Variants in RSF1 observed in about 807,000 individuals in gnomAD.
The protein encoded by RSF1 is remodeling and spacing factor 1.
Under a neutral mutation model 145.2 loss-of-function variants are expected in RSF1, and 13 were observed. The ratio of observed to expected loss-of-function variants is 0.09; its 90% CI spans 0.06 to 0.14. The LOEUF is 0.14. Among genes scored for constraint, RSF1 ranks in the 10% least tolerant of loss-of-function variants. The pLI, the probability that RSF1 is intolerant of heterozygous loss-of-function variation, is 1.00. For synonymous variants in RSF1, 577 were observed against 592.6 expected (o/e 0.97, Z 0.38); for missense variants, 1,517 against 1,718.2 (o/e 0.88, Z 2.07).
intron 7 of RSF1, 132 bp downstream of exon 7, chr11:77,698,355 A>G: frequency 1.4e-6 from 1 of 721,392 alleles, no homozygotes; most frequent in South Asian, 1.8e-5. Context: ...AACAGAAATA[A>G]AGGTTACTCT....
intron 3 of RSF1, among the ~76,000 whole-genome samples, chr11:77,744,182 C>T (rs1478369335): frequency 6.6e-6 from 1 of 152,174 alleles, no homozygotes; most frequent in African/African-American, 2.4e-5. Flanking sequence ...ATATGTGCCA[C>T]TATGCCCAGC....
chr11:77,707,297 A>G (rs916146710), intron 5 of RSF1, among the ~76,000 whole-genome samples: 1 of 152,150 alleles, frequency 6.6e-6, no homozygotes, highest in African/African-American at 2.4e-5. Flanking sequence ...TAACATCAAT[A>G]CTTTTCATGA....
chr11:77,837,827 G>A, the RSF1 span, among the ~76,000 whole-genome samples: 1 of 152,290 alleles, frequency 6.6e-6, no homozygotes, highest in East Asian at 1.9e-4. Flanking sequence ...AGGCTGAGAA[G>A]ACAGATTGCT....
At chr11:77,815,841 C>A (rs1469592109) in intron 1 of RSF1, among the ~76,000 whole-genome samples, 1 of 152,150 alleles carries the variant, frequency 6.6e-6, no homozygotes, top group Non-Finnish European at 1.5e-5. Context: ...CTAATAAATG[C>A]TTGCTTACCT....
intron 5 of RSF1, among the ~76,000 whole-genome samples, chr11:77,724,553 A>C (rs571762983): frequency 2.0e-5 from 3 of 152,194 alleles, no homozygotes; most frequent in Admixed American, 1.3e-4. Flanking sequence ...TTATTATTAA[A>C]AGGAAGAAAA....
At chr11:77,839,134 TTTAA>T in the RSF1 span, among the ~76,000 whole-genome samples, 4 of 152,208 alleles carry the variant, frequency 2.6e-5, no homozygotes, top group Non-Finnish European at 5.9e-5. Context: ...CAGTTTCTTT[TTTAA>T]TTAATTAATT....
chr11:77,828,587 C>T, the RSF1 span, among the ~76,000 whole-genome samples: 1 of 150,240 alleles, frequency 6.7e-6, no homozygotes, highest in East Asian at 2.0e-4. Context: ...GGAAGAATGG[C>T]GTGAACCCGG....
intron 5 of RSF1, among the ~76,000 whole-genome samples, chr11:77,707,504 A>G (rs2135862112): frequency 6.6e-6 from 1 of 152,348 alleles, no homozygotes. Flanking sequence ...AATATAAGCT[A>G]AAACTAAAGA....
chr11:77,697,694 ATTT>A, intron 7 of RSF1, among the ~76,000 whole-genome samples: 1 of 150,648 alleles, frequency 6.6e-6, no homozygotes, highest in East Asian at 1.9e-4. Flanking sequence ...ATTAAAAAAA[ATTT>A]TTTATGTTAA....
At chr11:77,752,011 G>GT (rs1948068255) in intron 2 of RSF1, among the ~76,000 whole-genome samples, 1 of 152,290 alleles carries the variant, frequency 6.6e-6, no homozygotes, top group East Asian at 1.9e-4. Context: ...CTATATGGCA[G>GT]TAACTAGTCT....
In RSF1 at chr11:77,800,491, CA is replaced by C. The variant is rs377611262; in HGVS notation, c.187+20036del. Among the ~76,000 whole-genome samples the C allele has an allele frequency of 1.9e-3, 285 of 149,614 alleles. 1 individual carries two copies. The highest frequency in any genetic ancestry group is 6.6e-3 in the African/African-American group (269 of 40,816). ...TGGGCAACAAAACAAGAACCTGTCT[CA>C]AAAAAAAAGAAAAGAAAAAAGTATT... On this transcript the variant is annotated intron_variant, in intron 1 of 15. Transcript: ENST00000308488.
At chr11:77,695,515 C>T (rs1960259007) in intron 7 of RSF1, among the ~76,000 whole-genome samples, 1 of 152,118 alleles carries the variant, frequency 6.6e-6, no homozygotes, top group South Asian at 2.1e-4. Context: ...GTTGTTGGAA[C>T]TGTTCCAGCC....
chr11:77,756,882 C>T (rs1232049978), intron 2 of RSF1, among the ~76,000 whole-genome samples: 1 of 152,112 alleles, frequency 6.6e-6, no homozygotes, highest in Non-Finnish European at 1.5e-5. Flanking sequence ...GTCTCTGCTC[C>T]AAGAATTTCA....
At chr11:77,819,508 C>A (rs537933587) in intron 1 of RSF1, among the ~76,000 whole-genome samples, 1 of 152,310 alleles carries the variant, frequency 6.6e-6, no homozygotes, top group Non-Finnish European at 1.5e-5. Flanking sequence ...GCGCCCTGCA[C>A]CCGCGCGGTG....
intron 8 of RSF1, 39 bp from the exon 9 acceptor site, chr11:77,691,277 T>G (rs761507484): frequency 2.5e-6 from 4 of 1,574,680 alleles, no homozygotes; most frequent in Non-Finnish European, 3.5e-6. Flanking sequence ...TTTAAACAAC[T>G]TTTAGCAATC....
chr11:77,778,535 C>T (rs751747060), intron 1 of RSF1, among the ~76,000 whole-genome samples: 1 of 151,962 alleles, frequency 6.6e-6, no homozygotes, highest in Non-Finnish European at 1.5e-5. Context: ...ACATATGCTC[C>T]CTCTTCTCTC....
At chr11:77,774,773 CT>C (rs113525529) in intron 1 of RSF1, among the ~76,000 whole-genome samples, 6 of 141,848 alleles carry the variant, frequency 4.2e-5, no homozygotes, top group Admixed American at 1.4e-4. Flanking sequence ...TCTTTTTTTT[CT>C]TTTTTTTTTG....
At chr11:77,770,052 A>T (rs2135943607) in intron 1 of RSF1, among the ~76,000 whole-genome samples, 1 of 152,362 alleles carries the variant, frequency 6.6e-6, no homozygotes. Context: ...AATCACTGTC[A>T]TGTATTCATA....
the RSF1 span, among the ~76,000 whole-genome samples, chr11:77,852,546 T>C: frequency 3.3e-5 from 5 of 152,088 alleles, no homozygotes; most frequent in African/African-American, 4.8e-5. Flanking sequence ...CCTCCAACAC[T>C]GGGGATTACA....
Sources: allele counts gnomAD v4.1 joint callset (sites outside exome capture counted in the v4.1 genomes callset), GRCh38; gene constraint gnomAD v4.1.1; transcripts MANE v1.5; gene names NCBI Gene and HGNC (gene_info 2026-07-23, HGNC 2026-07-21).